SRRT: variants seen among roughly 807,000 people sequenced by gnomAD.
SRRT encodes serrate RNA effector molecule homolog.
SRRT carries 32 observed loss-of-function variants against 103.2 expected under a neutral mutation model. The observed-to-expected ratio is 0.31, with a 90% CI of 0.23 to 0.42. The LOEUF is 0.42. SRRT is among the 10% of genes least tolerant of loss of function. The pLI is 1.00. For synonymous variants in SRRT, 525 were observed against 449.0 expected (o/e 1.17, Z -2.14); for missense variants, 986 against 1,207.5 (o/e 0.82, Z 2.72).
chr7:100,886,468 C>A, intron 13 of SRRT, 33 bp downstream of exon 13: 1 of 1,583,786 alleles, frequency 6.3e-7, no homozygotes, highest in African/African-American at 1.3e-5. Context: ...TTGTCAGAAG[C>A]AACTGGTAGT....
At position 100,881,927 on chromosome 7, in the gene SRRT, T is replaced by C. The variant is rs976054945; in HGVS notation, c.398+122T>C. 15 of 1,467,800 alleles carry C rather than the reference T, an allele frequency of 1.0e-5. No homozygotes were observed. In the African/African-American group the frequency reaches 1.7e-4, roughly 17 times the overall value. The allele number at this position is 1,467,800 out of a possible 1,614,324, so 90.9% of individuals were successfully genotyped here. A position where few individuals can be genotyped will look rare whatever the true frequency, so the allele number is the denominator to read the frequency against. ...CAGAGGCATGTCCCTGGGGTAGGGG[T>C]GGTAGCTGTTGGGGTTTGGGGTGAT... is the stretch of plus-strand genomic sequence containing the variant. On this transcript the variant is annotated intron_variant, in intron 4 of 19. Transcript: ENST00000611405.
intron 2 of SRRT, among the ~76,000 whole-genome samples, chr7:100,877,195 G>C (rs1336280784): frequency 6.6e-6 from 1 of 151,564 alleles, no homozygotes; most frequent in Non-Finnish European, 1.5e-5. Flanking sequence ...GGCCGAGACG[G>C]GCAGATCACG....
chr7:100,886,582 C>T (rs922779585), intron 13 of SRRT, 147 bp downstream of exon 13: 23 of 984,302 alleles, frequency 2.3e-5, no homozygotes, highest in Middle Eastern at 3.2e-4. Context: ...GTAGCAGCAC[C>T]TCCAGATTCC....
Position 100,875,272 on chromosome 7 carries a change from G to A in SRRT, c.-75G>A. The A allele has an allele frequency of 1.4e-6, 1 of 698,324 alleles. No individual in the cohort carries two copies. The allele number at this position is 698,324 out of a possible 1,614,324, so 43.3% of individuals were successfully genotyped here. A position where few individuals can be genotyped will look rare whatever the true frequency, so the allele number is the denominator to read the frequency against. ...TCCTCGTCGCGCGCCCGCGACCCAG[G>A]TCGCCCTGAAATCTAGCCCGTCCGA... On this transcript the variant is annotated 5_prime_UTR_variant, in exon 1 of 20. Coordinates refer to ENST00000611405, the MANE Select transcript of SRRT (RefSeq NM_015908.6).
At chr7:100,875,814 T>C in intron 2 of SRRT, 102 bp downstream of exon 2, 2 of 1,450,064 alleles carry the variant, frequency 1.4e-6, no homozygotes, top group East Asian at 2.3e-5. Context: ...GGGCGAATCC[T>C]ATGAAATGGC....
chr7:100,886,360 G>A lies in SRRT; in HGVS notation c.1572G>A (p.Ala524=), dbSNP rs747224705. The A allele has an allele frequency of 8.7e-6, 14 of 1,613,670 alleles. No individual in the cohort carries two copies. The highest frequency in any genetic ancestry group is 1.0e-5 in the Non-Finnish European group (12 of 1,180,010). The change falls in exon 13 of 20, where the codon GCG becomes GCA. Residue 524 remains alanine, a synonymous_variant. Transcript: ENST00000611405. ...TTGTGCGCAACGACATCAAGCTGGC[G>A]GCCAAGCTGATCCACACGCTGGATG... is the stretch of plus-strand genomic sequence containing the variant. ...KQIVRNDIKL[A]AKLIHTLDDR...
At position 100,888,036 on chromosome 7, in the gene SRRT, G is replaced by A. The variant is rs776445599; in HGVS notation, c.2327-6G>A. ...CCCGCAGTAATTCATGTCCCTGTCC[G>A]TGTTGTACTCCCCCCAGGTTTGACC... On this transcript the variant is annotated splice_polypyrimidine_tract_variant and splice_region_variant and intron_variant, in intron 17 of 19. Transcript: ENST00000611405. 6.5e-6 allele frequency: 10 copies of A among 1,532,936 alleles called. No individual in the cohort carries two copies. In the East Asian group the frequency reaches 1.1e-4, roughly 17 times the overall value. 95.0% of individuals were successfully genotyped at this position (1,532,936 alleles called of 1,614,324 possible). A position where few individuals can be genotyped will look rare whatever the true frequency, so the allele number is the denominator to read the frequency against.
chr7:100,885,152 C>T lies in SRRT; in HGVS notation c.1160-61C>T. ...GCTTTTAGGGGAAAGCTTCTGTATC[C>T]TCCCCACCACAATCAGTAATAAAAA... is the stretch of plus-strand genomic sequence containing the variant. On this transcript the variant is annotated intron_variant, in intron 9 of 19. Coordinates refer to ENST00000611405, the MANE Select transcript of SRRT (RefSeq NM_015908.6). The surrounding 1 kb of genome is among the most constrained non-coding windows in gnomAD (Gnocchi z 4.8). 14 of 1,603,128 alleles carry T rather than the reference C, an allele frequency of 8.7e-6. No homozygotes were observed. Among genetic ancestry groups the T allele is most frequent in the African/African-American group, 1.3e-5 (1 of 74,512 alleles).
rs1481416839 is a variant in SRRT, at chr7:100,888,288, A to G, written c.2460A>G (p.Gly820=). The G allele has an allele frequency of 6.2e-7, 1 of 1,612,774 alleles. No individual in the cohort carries two copies. The highest frequency in any genetic ancestry group is 1.7e-5 in the Admixed American group (1 of 59,974). The change falls in exon 19 of 20, where the codon GGA becomes GGG. Residue 820 remains glycine (G), a synonymous_variant. Coordinates refer to ENST00000611405, the MANE Select transcript of SRRT (RefSeq NM_015908.6). ...CTGTCCGCCCTGCAGTCCCCACAGG[A>G]GGCCCTCCATACCCCCATGCCCCGT... is the stretch of plus-strand genomic sequence containing the variant. ...AGAVRPAVPT[G]GPPYPHAPYG...
In SRRT at chr7:100,885,286, G is replaced by A. The variant is rs141430834; in HGVS notation, c.1233G>A (p.Glu411=). 22 of 1,614,072 alleles carry A rather than the reference G, an allele frequency of 1.4e-5. No individual in the cohort carries two copies. The highest frequency in any genetic ancestry group is 1.3e-4 in the African/African-American group (10 of 74,938). Residue 411 remains glutamate (E), a synonymous_variant, in exon 10 of 20, where the codon GAG becomes GAA. Transcript: ENST00000611405. This position sits in a 1 kb window ranked among gnomAD's most constrained non-coding sequence, Gnocchi z 4.8. ...AGCCCAAGGACGCCGCGGGGCTGGA[G>A]TGCAAGCCGCGGCCGCTGCATAAGA... ...WEKPKDAAGL[E]CKPRPLHKTC...
rs545829703 is a variant in SRRT at position 100,880,594 on chromosome 7, C to A, written c.123-691C>A. The A allele has an allele frequency of 4.8e-4, 142 of 295,468 alleles. 5 individuals are homozygous for A. Among genetic ancestry groups the A allele is most frequent in the South Asian group, 3.4e-3 (139 of 40,648 alleles). The allele number at this position is 295,468 out of a possible 1,614,324, so 18.3% of individuals were successfully genotyped here. ...TGCTGGGATTACAGGCGTGAGCCAC[C>A]GCACCCGGCTGAATAGGCTTGATTC... On this transcript the variant is annotated intron_variant, in intron 2 of 19. Coordinates refer to ENST00000611405, the MANE Select transcript of SRRT (RefSeq NM_015908.6).
At chr7:100,878,889 C>T (rs1332739572) in intron 2 of SRRT, among the ~76,000 whole-genome samples, 2 of 151,506 alleles carry the variant, frequency 1.3e-5, no homozygotes, top group African/African-American at 4.8e-5. Context: ...TCCTTCCTTC[C>T]TTTTCTTTTC....
In SRRT at chr7:100,886,935, G is replaced by A; in HGVS notation, c.1788G>A (p.Glu596=). 6.2e-7 allele frequency: 1 copy of A among 1,612,908 alleles called. No individual in the cohort carries two copies. The highest frequency in any genetic ancestry group is 1.1e-5 in the South Asian group (1 of 91,042). Residue 596 remains glutamate (E), a synonymous_variant, in exon 14 of 20, where the codon GAG becomes GAA. Coordinates refer to ENST00000611405, the MANE Select transcript of SRRT (RefSeq NM_015908.6). ...CTCCTAAGGAAGGGAACCCGGCAGAGATCAACGTGGAGCGGGATGAGAAGT... is the reference window on the plus strand; with the variant it reads ...CTCCTAAGGAAGGGAACCCGGCAGAAATCAACGTGGAGCGGGATGAGAAGT... ...EEPPKEGNPA[E]INVERDEKLI...
At chr7:100,879,855 G>A (rs1425103812) in intron 2 of SRRT, among the ~76,000 whole-genome samples, 1 of 152,062 alleles carries the variant, frequency 6.6e-6, no homozygotes, top group African/African-American at 2.4e-5. Flanking sequence ...GATGGGGGAG[G>A]CTGGTGATTG....
Position 100,878,868 on chromosome 7 carries a change from A to C in SRRT, c.123-2417A>C, listed in dbSNP as rs1208499617. 2.0e-5 allele frequency among the ~76,000 whole-genome samples: 3 copies of C among 150,258 alleles called. No homozygotes were observed. In the East Asian group the frequency reaches 5.8e-4, roughly 29 times the overall value. ...AGGTGTATGCCATCACACCCAGCTA[A>C]CCTACTTTCTTCCTTCCTTCCTTTT... On this transcript the variant is annotated intron_variant, in intron 2 of 19. Transcript: ENST00000611405.
intron 1 of SRRT, 58 bp from the exon 2 acceptor site, chr7:100,875,515 G>C: frequency 6.3e-7 from 1 of 1,595,658 alleles, no homozygotes; most frequent in Non-Finnish European, 8.6e-7. Flanking sequence ...CGCGAGGGAC[G>C]GTCCCTTCCT....
rs1451877178 is a variant in SRRT, at chr7:100,887,596, A to G, written c.2169+83A>G. 6.3e-7 allele frequency: 1 copy of G among 1,579,196 alleles called. No homozygotes were observed. Among genetic ancestry groups the G allele is most frequent in the Admixed American group, 1.7e-5 (1 of 57,754 alleles). On this transcript the variant is annotated intron_variant, in intron 16 of 19. Transcript: ENST00000611405. This position sits in a 1 kb window ranked among gnomAD's most constrained non-coding sequence, Gnocchi z 4.1. ...AAGCCCCCTGGGCAGGGGTGGGGGA[A>G]CTGCTTACTGCACTGGCAGGCGGGA...
rs1158944495 is a variant in SRRT, at chr7:100,882,690, T to G, written c.587+449T>G. ...TTTTTCCTTTTGTGGATGTTTTAAT[T>G]TTAATCAACCATCTTTTCCCCCCTT... is the stretch of plus-strand genomic sequence containing the variant. On this transcript the variant is annotated intron_variant, in intron 5 of 19. Coordinates refer to ENST00000611405, the MANE Select transcript of SRRT (RefSeq NM_015908.6). The surrounding 1 kb of genome is among the most constrained non-coding windows in gnomAD (Gnocchi z 4.2). 1 of 154,060 alleles carries G rather than the reference T, an allele frequency of 6.5e-6. No homozygotes were observed. The highest frequency in any genetic ancestry group is 1.4e-5 in the Non-Finnish European group (1 of 69,028). The allele number at this position is 154,060 out of a possible 1,614,324, so 9.5% of individuals were successfully genotyped here.
rs760285736 is a variant in SRRT at position 100,886,858 on chromosome 7, G to A, written c.1711G>A (p.Ala571Thr). ...CGACTACCTGATCGAGGAAGTAAGCGCCGAGGAGGAGGAGCTGCTGGGGAG... is the reference window on the plus strand; with the variant it reads ...CGACTACCTGATCGAGGAAGTAAGCACCGAGGAGGAGGAGCTGCTGGGGAG... Reference protein sequence around the residue: ...ITDYLIEEVSAEEEELLGSSG... With the variant: ...ITDYLIEEVSTEEEELLGSSG... The change falls in exon 14 of 20, where the codon GCC becomes ACC. Residue 571 changes from alanine (A) to threonine (T), a missense_variant. Ala to Thr is a moderately conservative substitution (Grantham distance 58, BLOSUM62 0). This residue lies in a region of SRRT where 349 missense variants were observed against 446.9 expected (regional missense o/e 0.78). Coordinates refer to ENST00000611405, the MANE Select transcript of SRRT (RefSeq NM_015908.6). 2 of 1,614,042 alleles carry A rather than the reference G, an allele frequency of 1.2e-6. No homozygotes were observed. Among genetic ancestry groups the A allele is most frequent in the South Asian group, 1.1e-5 (1 of 91,088 alleles).
Sources: gnomAD v4.1 joint callset for allele counts (sites outside exome capture counted in the v4.1 genomes callset) on GRCh38, gnomAD v4.1.1 for gene constraint, gnomAD v4.1.1 regional missense constraint, Gnocchi (gnomAD v3.1) non-coding constraint, MANE v1.5 for transcripts, NCBI Gene and HGNC (gene_info 2026-07-23, HGNC 2026-07-21) for gene names.